The following KANSL1 variants were observed in gnomAD, a reference collection of about 807,000 sequenced individuals.
KANSL1 encodes the protein KAT8 regulatory NSL complex subunit 1, also known as MLL1/MLL complex subunit KANSL1.
Under a neutral mutation model 103.6 loss-of-function variants are expected in KANSL1, and 22 were observed. The observed-to-expected ratio is 0.21, with a 90% confidence interval of 0.15 to 0.30. The LOEUF is 0.30. Among genes scored for constraint, KANSL1 ranks in the 10% least tolerant of loss-of-function variants. KANSL1 has a pLI of 1.00. For synonymous variants in KANSL1, 600 were observed against 527.6 expected, an observed-to-expected ratio of 1.14 and a Z score of -1.88; for missense variants, 1,337 against 1,399.8, an observed-to-expected ratio of 0.96 and a Z score of 0.72.
chr17:46,050,657 G>C lies in KANSL1; in HGVS notation c.1896C>G (p.Ser632=). 1 of 1,614,196 alleles carries C rather than the reference G, an allele frequency of 6.2e-7. No individual in the cohort carries two copies. The highest frequency in any genetic ancestry group is 8.5e-7 in the Non-Finnish European group (1 of 1,180,026). ...TIRPGCDVNP[S]CALCGSGSIN... ...TGCTGCCTGAACCACACAGTGCGCA[G>C]GAGGGATTCACATCACAGCCAGGGC... The change falls in exon 7 of 15, where the codon TCC becomes TCG. Residue 632 remains serine, a synonymous_variant. Transcript: ENST00000432791.
chr17:46,142,185 T>A (rs1356175608), intron 2 of KANSL1, among the ~76,000 whole-genome samples: 1 of 152,266 alleles, frequency 6.6e-6, no homozygotes, highest in South Asian at 2.1e-4. Context: ...ATTTCTACTA[T>A]TTTAGGTTGA....
rs2077027513 is a variant in KANSL1, at chr17:46,032,133, G to C, written c.3004C>G (p.Leu1002Val). The C allele has an allele frequency of 6.2e-7, 1 of 1,613,956 alleles. No homozygotes were observed. Among genetic ancestry groups the C allele is most frequent in the African/African-American group, 1.3e-5 (1 of 74,912 alleles). The stretch of plus-strand genomic sequence containing the variant: ...GGAGTGTCCCGAGCCACAGGGGTGA[G>C]GGGTGCTGAGTGCAGTTCCGGGCTA... ...PISPELHSAP[L>V]TPVARDTPRH... The change falls in exon 14 of 15, where the codon CTC becomes GTC. Residue 1002 changes from leucine to valine, a missense_variant. Transcript: ENST00000432791.
intron 7 of KANSL1, among the ~76,000 whole-genome samples, chr17:46,048,841 A>C (rs1037860412): frequency 2.0e-5 from 3 of 152,244 alleles, no homozygotes; most frequent in Admixed American, 2.0e-4. Context: ...TTTTTATCAA[A>C]ACTTTGGCAT....
intron 2 of KANSL1, among the ~76,000 whole-genome samples, chr17:46,161,556 C>T (rs956908870): frequency 2.0e-5 from 3 of 152,184 alleles, no homozygotes; most frequent in Non-Finnish European, 4.4e-5. Flanking sequence ...CCTGTTTCTT[C>T]CCAGGATACA....
At chr17:46,181,805 G>T (rs557224705) in intron 1 of KANSL1, among the ~76,000 whole-genome samples, 2 of 152,044 alleles carry the variant, frequency 1.3e-5, no homozygotes, top group Non-Finnish European at 1.5e-5. Context: ...CAATTGATAC[G>T]GACCCAGAAC....
intron 1 of KANSL1, among the ~76,000 whole-genome samples, chr17:46,219,032 G>A (rs867484588): frequency 1.2e-4 from 19 of 152,076 alleles, no homozygotes; most frequent in South Asian, 4.1e-4. Context: ...AGGCCGAGGC[G>A]GGTGGATCAC....
Position 46,031,252 on chromosome 17 carries a change from T to A in KANSL1, c.*224A>T. 1.7e-6 allele frequency: 1 copy of A among 593,892 alleles called. No individual in the cohort carries two copies. The highest frequency in any genetic ancestry group is 3.0e-6 in the Non-Finnish European group (1 of 335,002). 36.8% of individuals were successfully genotyped at this position (593,892 alleles called of 1,614,324 possible). A position where few individuals can be genotyped will look rare whatever the true frequency, so the allele number is the denominator to read the frequency against. On this transcript the variant is annotated 3_prime_UTR_variant, in exon 15 of 15. Transcript: ENST00000432791. ...CAGGGTCTCATCCTGAACTTCTGTT[T>A]GCCAACGGGAGGAAGTGCTCAGGTG...
At chr17:46,167,097 G>A (rs1390514166) in intron 2 of KANSL1, among the ~76,000 whole-genome samples, 1 of 151,676 alleles carries the variant, frequency 6.6e-6, no homozygotes, top group Non-Finnish European at 1.5e-5. Flanking sequence ...ACATAATGTG[G>A]TCCAGGTACC....
chr17:46,176,675 G>C (rs1433574455), intron 1 of KANSL1, among the ~76,000 whole-genome samples: 1 of 144,790 alleles, frequency 6.9e-6, no homozygotes, highest in Non-Finnish European at 1.5e-5. Flanking sequence ...GGGGCAACAA[G>C]AGCAAGACTC....
At chr17:46,162,975 T>C (rs187280375) in intron 2 of KANSL1, among the ~76,000 whole-genome samples, 2 of 152,342 alleles carry the variant, frequency 1.3e-5, no homozygotes, top group East Asian at 3.9e-4. Context: ...TTCCTTCTTA[T>C]CCTTCAGGTC....
At chr17:46,067,492 C>G (rs2078422474) in intron 5 of KANSL1, 57 bp downstream of exon 5, 1 of 1,066,030 alleles carries the variant, frequency 9.4e-7, no homozygotes, top group Non-Finnish European at 1.5e-6. Context: ...GAACTAAGAG[C>G]TCCAAAACAC....
At chr17:46,085,515 G>A (rs904108848) in intron 3 of KANSL1, among the ~76,000 whole-genome samples, 7 of 152,056 alleles carry the variant, frequency 4.6e-5, no homozygotes, top group African/African-American at 1.2e-4. Flanking sequence ...GTTGAGACAG[G>A]GTCAAGCTCT....
chr17:46,195,690 C>T (rs555933474), upstream of KANSL1, among the ~76,000 whole-genome samples: 162 of 152,330 alleles, frequency 1.1e-3, no homozygotes, highest in African/African-American at 3.5e-3. Context: ...GTAGCTGGCA[C>T]TACAGGCATA....
At chr17:46,116,979 TAA>T in intron 2 of KANSL1, among the ~76,000 whole-genome samples, 1 of 152,360 alleles carries the variant, frequency 6.6e-6, no homozygotes, top group South Asian at 2.1e-4. Context: ...TTAGAAAGTA[TAA>T]AGTTACATTT....
intron 2 of KANSL1, among the ~76,000 whole-genome samples, chr17:46,143,580 A>C (rs1260856203): frequency 6.6e-6 from 1 of 152,164 alleles, no homozygotes; most frequent in Non-Finnish European, 1.5e-5. Flanking sequence ...CGAGACGGGT[A>C]GATCACGAGG....
chr17:46,136,784 G>C (rs1293231727), intron 2 of KANSL1, among the ~76,000 whole-genome samples: 1 of 152,200 alleles, frequency 6.6e-6, no homozygotes, highest in Non-Finnish European at 1.5e-5. Context: ...AAACCAGAAA[G>C]ACAAAAGCAC....
rs140248807 is a variant in KANSL1 at position 46,123,484 on chromosome 17, T to G, written c.1290-28783A>C. Among the ~76,000 whole-genome samples the G allele has an allele frequency of 7.2e-5, 11 of 152,338 alleles. No homozygotes were observed. The East Asian group carries it at 2.1e-3, about 29-fold the overall frequency. ...TGAAAGTAAGGCCTCTTGTACCAGTTAGCAAACTTGTAAATGCAAAAGTTC... is the reference window on the plus strand; with the variant it reads ...TGAAAGTAAGGCCTCTTGTACCAGTGAGCAAACTTGTAAATGCAAAAGTTC... On this transcript the variant is annotated intron_variant, in intron 2 of 14. Transcript: ENST00000432791.
At position 46,171,435 on chromosome 17, in the gene KANSL1, T is replaced by C. The variant is rs778942078; in HGVS notation, c.709A>G (p.Met237Val). ...CTTCCTTGAAGTGCCGGCTGTTCCA[T>C]GGAATTGACAGAGGATTTGTTTGCA... ...STANKSSVNSMEQPALQGSSR... is the reference protein window; with the variant it reads ...STANKSSVNSVEQPALQGSSR... Residue 237 changes from methionine (M) to valine (V), a missense_variant, in exon 2 of 15, where the codon ATG (methionine) becomes GTG (valine). Around this residue, in one of 2 missense-constraint regions of KANSL1, gnomAD observed 557 missense variants for 476.4 expected, o/e 1.17. Transcript: ENST00000432791. 17 of 1,613,956 alleles carry C rather than the reference T, an allele frequency of 1.1e-5. No individual in the cohort carries two copies. The African/African-American group carries it at 1.1e-4, about 10-fold the overall frequency.
intron 2 of KANSL1, among the ~76,000 whole-genome samples, chr17:46,113,171 A>T (rs1229977207): frequency 1.3e-5 from 2 of 152,242 alleles, no homozygotes; most frequent in Non-Finnish European, 2.9e-5. Flanking sequence ...TAACCATACT[A>T]CAACACAGGA....
Sources: allele counts gnomAD v4.1 joint callset (sites outside exome capture counted in the v4.1 genomes callset), GRCh38; gene constraint gnomAD v4.1.1; regional missense constraint gnomAD v4.1.1; transcripts MANE v1.5; gene names NCBI Gene and HGNC (gene_info 2026-07-23, HGNC 2026-07-21).